Variants in BCL11B observed in about 807,000 individuals in gnomAD.
BCL11B encodes BCL11 transcription factor B.
BCL11B carries 8 observed loss-of-function variants against 49.9 expected under a neutral mutation model. The ratio of observed to expected loss-of-function variants is 0.16; its 90% CI spans 0.09 to 0.29. BCL11B has a LOEUF of 0.29. Among genes scored for constraint, BCL11B ranks in the 10% least tolerant of loss-of-function variants. BCL11B has a pLI of 1.00. For missense variants in BCL11B, 1,006 were observed against 1,351.0 expected, an observed-to-expected ratio of 0.74 and a Z score of 4.00; for synonymous variants, 739 against 637.4, an observed-to-expected ratio of 1.16 and a Z score of -2.40.
At chr14:99,267,892 C>A (rs1223436503) in intron 1 of BCL11B, among the ~76,000 whole-genome samples, 1 of 152,136 alleles carries the variant, frequency 6.6e-6, no homozygotes, top group African/African-American at 2.4e-5. Flanking sequence ...CGCAGTTTAC[C>A]GTGGACATCT....
At chr14:99,250,229 G>C (rs1187220766) in intron 2 of BCL11B, among the ~76,000 whole-genome samples, 1 of 151,712 alleles carries the variant, frequency 6.6e-6, no homozygotes, top group African/African-American at 2.4e-5. Context: ...TCGAGACGGA[G>C]TTTCACCGTG....
chr14:99,259,293 G>A (rs553267064), intron 1 of BCL11B, among the ~76,000 whole-genome samples: 23 of 152,306 alleles, frequency 1.5e-4, no homozygotes, highest in African/African-American at 5.1e-4. Context: ...TGAAGTTATT[G>A]AAGTGCCAGA....
intron 3 of BCL11B, among the ~76,000 whole-genome samples, chr14:99,220,277 A>G (rs2693695): frequency 0.47 from 71,641 of 151,932 alleles, 17,508 homozygotes; most frequent in Non-Finnish European, 0.52. Flanking sequence ...AAGGATTCAA[A>G]CAGATTATTG....
rs1374855279 is a variant in BCL11B at position 99,194,435 on chromosome 14, C to T, written c.641-18240G>A. 6.6e-6 allele frequency among the ~76,000 whole-genome samples: 1 copy of T among 152,242 alleles called. No homozygotes were observed. Among genetic ancestry groups the T allele is most frequent in the East Asian group, 1.9e-4 (1 of 5,190 alleles). On this transcript the variant is annotated intron_variant, in intron 3 of 3. Coordinates refer to ENST00000357195, the MANE Select transcript of BCL11B (RefSeq NM_138576.4). The surrounding 1 kb of genome is among the most constrained non-coding windows in gnomAD (Gnocchi z 4.6). ...CCTGTAGGCATGGCCAGAGCTCTGT[C>T]CTTCTCGGCTTCTGCCCTGTGGGGC...
intron 2 of BCL11B, among the ~76,000 whole-genome samples, chr14:99,250,282 G>T (rs1026453771): frequency 6.6e-6 from 1 of 151,808 alleles, no homozygotes; most frequent in South Asian, 2.1e-4. Flanking sequence ...TGATCCCCCC[G>T]CCTCGGCCTC....
intron 1 of BCL11B, among the ~76,000 whole-genome samples, chr14:99,265,498 G>A (rs924010868): frequency 6.6e-6 from 1 of 151,812 alleles, no homozygotes; most frequent in Non-Finnish European, 1.5e-5. Flanking sequence ...TTCCTGCATT[G>A]TCTTATCTAT....
chr14:99,260,567 G>A (rs976478444), intron 1 of BCL11B, among the ~76,000 whole-genome samples: 1 of 152,128 alleles, frequency 6.6e-6, no homozygotes, highest in Admixed American at 6.5e-5. Flanking sequence ...GAGGTCACAC[G>A]TGCCTGTTCG....
chr14:99,253,063 G>C (rs1889053328), intron 2 of BCL11B, among the ~76,000 whole-genome samples: 1 of 152,248 alleles, frequency 6.6e-6, no homozygotes. Flanking sequence ...ACCGGTGCCA[G>C]GTGGGTGCTT....
rs1189885813 is a variant in BCL11B, at chr14:99,241,541, G to T, written c.428-9984C>A. On this transcript the variant is annotated intron_variant, in intron 2 of 3. Transcript: ENST00000357195. The surrounding 1 kb of genome is among the most constrained non-coding windows in gnomAD (Gnocchi z 4.4). ...AAAAATTAAGTCTTGGGGCTGAGAC[G>T]AAGGGAACCTGACTCAGCTCCTCCG... Among the ~76,000 whole-genome samples, 1 of 152,090 alleles carries T rather than the reference G, an allele frequency of 6.6e-6. No individual in the cohort carries two copies. Among genetic ancestry groups the T allele is most frequent in the African/African-American group, 2.4e-5 (1 of 41,434 alleles).
rs1016839003 is a variant in BCL11B, at chr14:99,192,834, T to G, written c.641-16639A>C. Among the ~76,000 whole-genome samples the G allele has an allele frequency of 3.3e-5, 5 of 152,164 alleles. No homozygotes were observed. Among genetic ancestry groups the G allele is most frequent in the African/African-American group, 1.2e-4 (5 of 41,446 alleles). ...AGTCCTGCCTCTGGTCAGTGCTCAA[T>G]AGAGAATGCTATTTAATGATCAAAA... On this transcript the variant is annotated intron_variant, in intron 3 of 3. Transcript: ENST00000357195. The surrounding 1 kb of genome is among the most constrained non-coding windows in gnomAD (Gnocchi z 4.0).
At chr14:99,234,176 G>A (rs1372033753) in intron 2 of BCL11B, among the ~76,000 whole-genome samples, 1 of 152,098 alleles carries the variant, frequency 6.6e-6, no homozygotes, top group Non-Finnish European at 1.5e-5. Context: ...TGTGAGGGGT[G>A]GCTAATGGGC....
chr14:99,251,012 G>T (rs1451147442), intron 2 of BCL11B, among the ~76,000 whole-genome samples: 1 of 152,158 alleles, frequency 6.6e-6, no homozygotes, highest in Non-Finnish European at 1.5e-5. Context: ...TGGCAGGTGG[G>T]TCCACCGCCT....
chr14:99,237,782 T>C (rs1888547147), intron 2 of BCL11B, among the ~76,000 whole-genome samples: 2 of 152,176 alleles, frequency 1.3e-5, no homozygotes, highest in African/African-American at 4.8e-5. Flanking sequence ...GTTTGGCCTC[T>C]ATGTGGGCGG....
chr14:99,198,336 A>G (rs1424607372), intron 3 of BCL11B, among the ~76,000 whole-genome samples: 6 of 152,234 alleles, frequency 3.9e-5, no homozygotes, highest in Non-Finnish European at 7.3e-5. Flanking sequence ...GCAGATAGAC[A>G]AGAACACACA....
intron 1 of BCL11B, among the ~76,000 whole-genome samples, chr14:99,261,132 A>G (rs546555588): frequency 3.9e-5 from 6 of 152,302 alleles, no homozygotes; most frequent in African/African-American, 1.4e-4. Context: ...CTTCCCAGGA[A>G]GGTAGCAAGG....
chr14:99,208,091 G>A (rs999427534), intron 3 of BCL11B, among the ~76,000 whole-genome samples: 1 of 152,216 alleles, frequency 6.6e-6, no homozygotes, highest in East Asian at 1.9e-4. Context: ...GGGCAGCATA[G>A]GGAGATGAGT....
intron 3 of BCL11B, among the ~76,000 whole-genome samples, chr14:99,203,878 AG>A: frequency 6.6e-6 from 1 of 151,636 alleles, no homozygotes; most frequent in Non-Finnish European, 1.5e-5. Context: ...CTCGTGGCCT[AG>A]TCAATCTTAT....
intron 3 of BCL11B, among the ~76,000 whole-genome samples, chr14:99,226,652 A>C (rs1359443336): frequency 2.0e-5 from 3 of 152,264 alleles, no homozygotes; most frequent in Non-Finnish European, 2.9e-5. Context: ...CTTTCCAGGC[A>C]GACTGCATTA....
chr14:99,217,385 G>GACACACACACACATACACACACACACAC (rs555834922), intron 3 of BCL11B, among the ~76,000 whole-genome samples: 1 of 131,018 alleles, frequency 7.6e-6, no homozygotes. Context: ...CACACATACA[G>GACACACACACACATACACACACACACAC]ACACACACAC....
Sources: gnomAD v4.1 joint callset for allele counts (sites outside exome capture counted in the v4.1 genomes callset) on GRCh38, gnomAD v4.1.1 for gene constraint, Gnocchi (gnomAD v3.1) non-coding constraint, MANE v1.5 for transcripts, NCBI Gene and HGNC (gene_info 2026-07-23, HGNC 2026-07-21) for gene names.